The following LARP4 variants were observed in gnomAD, a reference collection of about 807,000 sequenced individuals.
The protein encoded by LARP4 is la-related protein 4.
A neutral mutation model predicts 92.9 loss-of-function variants in LARP4; 29 were observed. That is an observed-to-expected ratio of 0.31 (90% CI 0.23 to 0.43). LARP4 has a LOEUF of 0.43. LARP4 is among the 20% of genes least tolerant of loss of function. The pLI is 1.00. For missense variants in LARP4, 732 were observed against 860.0 expected, an observed-to-expected ratio of 0.85 and a Z score of 1.86; for synonymous variants, 279 against 284.1, an observed-to-expected ratio of 0.98 and a Z score of 0.18.
chr12:50,460,374 C>T (rs1265516678), intron 10 of LARP4, among the ~76,000 whole-genome samples: 3 of 152,146 alleles, frequency 2.0e-5, no homozygotes. Context: ...GATGCCTGTG[C>T]ATGAATTCAG....
intron 1 of LARP4, among the ~76,000 whole-genome samples, chr12:50,420,013 T>A (rs1277073040): frequency 1.3e-5 from 2 of 152,220 alleles, no homozygotes; most frequent in Non-Finnish European, 2.9e-5. Context: ...GGATCATGAT[T>A]TAGCAGAAAA....
At chr12:50,468,607 C>A (rs1416959618) in intron 13 of LARP4, among the ~76,000 whole-genome samples, 4 of 152,052 alleles carry the variant, frequency 2.6e-5, no homozygotes, top group African/African-American at 9.7e-5. Context: ...TAATTAACAT[C>A]TTTTTATTGT....
intron 1 of LARP4, among the ~76,000 whole-genome samples, chr12:50,407,945 A>G (rs996668337): frequency 6.6e-6 from 1 of 152,198 alleles, no homozygotes; most frequent in African/African-American, 2.4e-5. Context: ...ACATCTAAGT[A>G]TGTACTCATC....
At chr12:50,437,682 A>C in intron 5 of LARP4, 53 bp from the exon 6 acceptor site, 1 of 1,007,084 alleles carries the variant, frequency 9.9e-7, no homozygotes, top group Non-Finnish European at 1.5e-6. Context: ...TAATGGCATT[A>C]ATAATATCAC....
At chr12:50,443,547 G>A (rs150771163) in intron 8 of LARP4, among the ~76,000 whole-genome samples, 56 of 152,228 alleles carry the variant, frequency 3.7e-4, no homozygotes, top group Middle Eastern at 6.8e-3. Flanking sequence ...GATTACAGAT[G>A]TGAGCCACCA....
chr12:50,462,756 G>A (rs1955608822), intron 12 of LARP4, 126 bp downstream of exon 12: 7 of 637,824 alleles, frequency 1.1e-5, no homozygotes, highest in South Asian at 9.1e-5. Context: ...GGTAAATAGA[G>A]CCTAAATTTA....
intron 1 of LARP4, among the ~76,000 whole-genome samples, chr12:50,414,835 G>A (rs1224002758): frequency 2.0e-5 from 3 of 152,124 alleles, no homozygotes; most frequent in Admixed American, 2.0e-4. Context: ...GTGGTTTTCA[G>A]TTTTTCACTT....
rs944209180 is a variant in LARP4 at position 50,479,706 on chromosome 12, A to C, written c.*3842A>C. 1.3e-5 allele frequency: 2 copies of C among 152,214 alleles called. No individual in the cohort carries two copies. The highest frequency in any genetic ancestry group is 2.9e-5 in the Non-Finnish European group (2 of 68,036). 9.4% of individuals were successfully genotyped at this position (152,214 alleles called of 1,614,324 possible). ...TAAATGGTTTTATTTTCAGTTTTGC[A>C]GCACAGAACACTGTTGAAATATCCA... On this transcript the variant is annotated 3_prime_UTR_variant, in exon 16 of 16. Transcript: ENST00000398473.
intron 8 of LARP4, among the ~76,000 whole-genome samples, chr12:50,445,100 G>A (rs1355789909): frequency 4.0e-5 from 6 of 149,052 alleles, no homozygotes; most frequent in Admixed American, 1.4e-4. Flanking sequence ...ACGGAGTTTT[G>A]CTGTGTCATC....
At chr12:50,436,247 T>C (rs963993867) in intron 5 of LARP4, among the ~76,000 whole-genome samples, 1 of 147,444 alleles carries the variant, frequency 6.8e-6, no homozygotes, top group Non-Finnish European at 1.5e-5. Context: ...TGTGTGTATG[T>C]ATATATATAT....
intron 10 of LARP4, among the ~76,000 whole-genome samples, chr12:50,456,088 C>T (rs74439836): frequency 6.6e-6 from 1 of 152,194 alleles, no homozygotes; most frequent in Non-Finnish European, 1.5e-5. Context: ...CCCGCTCCCC[C>T]CTCCAAAAAA....
intron 12 of LARP4, among the ~76,000 whole-genome samples, chr12:50,463,418 T>TA (rs1406016842): frequency 0.3 from 9,736 of 32,160 alleles, 3,368 homozygotes; most frequent in African/African-American, 0.56. Flanking sequence ...ACCCCATCTC[T>TA]CCAAAAAAAA....
intron 1 of LARP4, among the ~76,000 whole-genome samples, chr12:50,411,247 G>T (rs142644414): frequency 6.6e-6 from 1 of 150,912 alleles, no homozygotes; most frequent in Non-Finnish European, 1.5e-5. Flanking sequence ...GTGCAGTGGC[G>T]CAATCTTGGC....
intron 9 of LARP4, 69 bp from the exon 10 acceptor site, chr12:50,454,245 G>A (rs1565682617): frequency 8.8e-7 from 1 of 1,133,244 alleles, no homozygotes; most frequent in Non-Finnish European, 1.3e-6. Context: ...GCTCATTAAG[G>A]TTCTTGTGAC....
intron 8 of LARP4, among the ~76,000 whole-genome samples, chr12:50,445,568 A>G (rs1354057254): frequency 6.6e-6 from 1 of 151,760 alleles, no homozygotes. Flanking sequence ...CCAATTTCAT[A>G]TGTTGGACTG....
intron 7 of LARP4, chr12:50,441,321 T>G (rs1477757607): frequency 3.6e-6 from 1 of 275,382 alleles, no homozygotes; most frequent in East Asian, 6.9e-5. Context: ...TTGATCATTT[T>G]TAAATTGGTT....
At chr12:50,446,151 T>C (rs376780158) in intron 8 of LARP4, among the ~76,000 whole-genome samples, 1 of 150,850 alleles carries the variant, frequency 6.6e-6, no homozygotes, top group African/African-American at 2.4e-5. Flanking sequence ...TACAGGCGCC[T>C]GCCATCACGC....
At chr12:50,455,260 T>C (rs4238105) in intron 10 of LARP4, among the ~76,000 whole-genome samples, 127,023 of 152,056 alleles carry the variant, frequency 0.84, 55,567 homozygotes, top group East Asian at 0.98. Flanking sequence ...ACAGGGTCTG[T>C]TTATGTTGCC....
chr12:50,452,057 G>A (rs934407057), intron 8 of LARP4, among the ~76,000 whole-genome samples: 1 of 152,026 alleles, frequency 6.6e-6, no homozygotes, highest in South Asian at 2.1e-4. Flanking sequence ...TGTACACCAC[G>A]TTTTCTCCAT....
Sources: gnomAD v4.1 joint callset for allele counts (sites outside exome capture counted in the v4.1 genomes callset) on GRCh38, gnomAD v4.1.1 for gene constraint, MANE v1.5 for transcripts, NCBI Gene and HGNC (gene_info 2026-07-23, HGNC 2026-07-21) for gene names.